ZNF500: variants seen among roughly 807,000 people sequenced by gnomAD.
The protein encoded by ZNF500 is zinc finger protein 500, also known as zinc finger protein with KRAB and SCAN domains 18.
ZNF500 carries 31 observed loss-of-function variants against 30.1 expected under a neutral mutation model. The observed-to-expected ratio is 1.03, with a 90% CI of 0.77 to 1.39. ZNF500 has a LOEUF of 1.39. Ranked by LOEUF, ZNF500 falls within the 40% of genes most tolerant of loss-of-function variation. The probability of loss-of-function intolerance (pLI) is 0.00; values close to 1 mark genes in which losing one functional copy is unlikely to be tolerated. For missense variants in ZNF500, 817 were observed against 657.8 expected (o/e 1.24, Z -2.65); for synonymous variants, 392 against 282.0 (o/e 1.39, Z -3.91).
intron 1 of ZNF500, 39 bp from the exon 2 acceptor site, chr16:4,766,115 G>T (rs2082263097): frequency 1.8e-6 from 2 of 1,088,968 alleles, no homozygotes; most frequent in Admixed American, 3.4e-5. Context: ...GGGCAGCCCT[G>T]GGGCTGGATA....
rs1258489715 is a variant in ZNF500, at chr16:4,749,094, C to G, written c.*3282G>C. The G allele has an allele frequency of 6.6e-6, 1 of 152,616 alleles. No individual in the cohort carries two copies. Among genetic ancestry groups the G allele is most frequent in the African/African-American group, 2.4e-5 (1 of 41,468 alleles). The allele number at this position is 152,616 out of a possible 1,614,324, so 9.5% of individuals were successfully genotyped here. ...AAGGCAAGACAGGCTTCCATAAAGT[C>G]CCAGGAGGTCCCTCCTGTAGGGCAC... On this transcript the variant is annotated 3_prime_UTR_variant, in exon 6 of 6. Coordinates refer to ENST00000219478, the MANE Select transcript of ZNF500 (RefSeq NM_021646.4).
At chr16:4,766,356 G>A (rs944677213) in intron 1 of ZNF500, among the ~76,000 whole-genome samples, 19 of 152,202 alleles carry the variant, frequency 1.2e-4, no homozygotes, top group Admixed American at 1.3e-4. Context: ...GGGGGCAGTA[G>A]CTGACGCCTG....
At chr16:4,766,661 T>A (rs755525692) in intron 1 of ZNF500, among the ~76,000 whole-genome samples, 12 of 152,106 alleles carry the variant, frequency 7.9e-5, no homozygotes, top group Non-Finnish European at 1.3e-4. Context: ...AGCTCGAGAA[T>A]CGTTATTTTC....
chr16:4,763,066 A>C (rs1437823530), intron 2 of ZNF500: 1 of 985,312 alleles, frequency 1.0e-6, no homozygotes, highest in Non-Finnish European at 1.2e-6. Context: ...GCGCTGGACT[A>C]ATTTCAGAAG....
At position 4,752,480 on chromosome 16, in the gene ZNF500, G is replaced by A. The variant is rs771104854; in HGVS notation, c.1339C>T (p.Arg447Cys). Residue 447 changes from arginine to cysteine, a missense_variant, in exon 6 of 6, where the codon CGC becomes TGC. By Grantham distance (180) the Arg-to-Cys change is radical. Transcript: ENST00000219478. ...TGCTTGTGCAGGTCGGTGCCCCGGC[G>A]GAAGCCCCGGCCACAGGCCGGGCAG... Reference protein sequence around the residue: ...YTCPACGRGFRRGTDLHKHQR... With the variant: ...YTCPACGRGFCRGTDLHKHQR... 2.8e-5 allele frequency: 43 copies of A among 1,546,376 alleles called. No individual in the cohort carries two copies. Among genetic ancestry groups the A allele is most frequent in the Middle Eastern group, 3.4e-4 (2 of 5,938 alleles).
chr16:4,752,334 C>A lies in ZNF500; in HGVS notation c.*42G>T. The A allele has an allele frequency of 4.8e-6, 7 of 1,445,708 alleles. No individual in the cohort carries two copies. Among genetic ancestry groups the A allele is most frequent in the Non-Finnish European group, 6.3e-6 (7 of 1,104,348 alleles). 89.6% of individuals were successfully genotyped at this position (1,445,708 alleles called of 1,614,324 possible). A position where few individuals can be genotyped will look rare whatever the true frequency, so the allele number is the denominator to read the frequency against. On this transcript the variant is annotated 3_prime_UTR_variant, in exon 6 of 6. Transcript: ENST00000219478. ...TCTAGCAGTTTCCTGAATTCTGTGC[C>A]CAGGGATGAGAGTCCTGGAAAGGGA... is the stretch of plus-strand genomic sequence containing the variant.
In ZNF500 at chr16:4,750,790, C is replaced by CTTTTTTT. The variant is rs751974701; in HGVS notation, c.*1579_*1585dup. 3 of 79,144 alleles carry CTTTTTTT rather than the reference C, an allele frequency of 3.8e-5. No homozygotes were observed. The highest frequency in any genetic ancestry group is 1.0e-4 in the African/African-American group (2 of 19,668). 4.9% of individuals were successfully genotyped at this position (79,144 alleles called of 1,614,324 possible). A position where few individuals can be genotyped will look rare whatever the true frequency, so the allele number is the denominator to read the frequency against. On this transcript the variant is annotated 3_prime_UTR_variant, in exon 6 of 6. Coordinates refer to ENST00000219478, the MANE Select transcript of ZNF500 (RefSeq NM_021646.4). Reference sequence around the variant, plus strand: ...TACAAGCGTGAGCCACTGCACCTGGCTTTTTTTTTTTTTTTTTTTTTTTGG... The same window carrying CTTTTTTT: ...TACAAGCGTGAGCCACTGCACCTGGCTTTTTTTTTTTTTTTTTTTTTTTTTTTTTTGG...
chr16:4,747,268 C>T, downstream of ZNF500: 1 of 1,479,386 alleles, frequency 6.8e-7, no homozygotes, highest in Non-Finnish European at 9.1e-7. Flanking sequence ...ATCTGCTTTT[C>T]TCCTGTTTCA....
chr16:4,760,171 GGA>G (rs528259792), intron 5 of ZNF500, among the ~76,000 whole-genome samples: 112 of 152,312 alleles, frequency 7.4e-4, no homozygotes, highest in Non-Finnish European at 1.2e-3. Context: ...AGTGTGATGG[GGA>G]GAGGCTGGAG....
intron 2 of ZNF500, 74 bp from the exon 3 acceptor site, chr16:4,762,830 C>T: frequency 1.3e-6 from 2 of 1,490,146 alleles, no homozygotes; most frequent in Non-Finnish European, 1.8e-6. Context: ...GCCCCACACC[C>T]CTCATCTCAG....
intron 5 of ZNF500, chr16:4,758,639 C>T (rs1421602826): frequency 2.0e-5 from 3 of 152,206 alleles, no homozygotes; most frequent in African/African-American, 7.2e-5. Flanking sequence ...TCACTTTCAT[C>T]AGTGACAACC....
chr16:4,758,413 G>C (rs549153526), intron 5 of ZNF500: 1 of 152,316 alleles, frequency 6.6e-6, no homozygotes, highest in Middle Eastern at 3.4e-3. Flanking sequence ...CTTGGGAGCC[G>C]GGAGGGCTGG....
chr16:4,760,071 G>T (rs1411500173), intron 5 of ZNF500, among the ~76,000 whole-genome samples: 1 of 152,120 alleles, frequency 6.6e-6, no homozygotes, highest in Non-Finnish European at 1.5e-5. Context: ...ACCAGAAAAG[G>T]CTTCAGCAGC....
At chr16:4,746,069 A>C, downstream of ZNF500, 1 of 268,976 alleles carries the variant, frequency 3.7e-6, no homozygotes, top group East Asian at 7.7e-5. Context: ...TGACTGAGGA[A>C]CTGAATGTTT....
chr16:4,747,467 G>A (rs749824660), downstream of ZNF500: 7 of 1,613,162 alleles, frequency 4.3e-6, no homozygotes, highest in Non-Finnish European at 5.9e-6. Flanking sequence ...TGAAGACACA[G>A]CTGGATCACG....
Position 4,760,568 on chromosome 16 carries a change from G to T in ZNF500, c.684C>A (p.Asp228Glu). 1 of 1,613,284 alleles carries T rather than the reference G, an allele frequency of 6.2e-7. No individual in the cohort carries two copies. Among genetic ancestry groups the T allele is most frequent in the African/African-American group, 1.3e-5 (1 of 75,008 alleles). The part of the protein sequence containing the change: ...AWSQVPVNLE[D>E]VAVYLSGEEP... Reference sequence around the variant, plus strand: ...CCTCCCCAGAAAGGTATACAGCCACGTCCTCCAAGTTCACGGGCACCTGCC... The same window carrying T: ...CCTCCCCAGAAAGGTATACAGCCACTTCCTCCAAGTTCACGGGCACCTGCC... The change falls in exon 5 of 6, where the codon GAC becomes GAA. Residue 228 changes from aspartate (D) to glutamate (E), a missense_variant. Coordinates refer to ENST00000219478, the MANE Select transcript of ZNF500 (RefSeq NM_021646.4).
chr16:4,765,527 C>A, intron 2 of ZNF500, 38 bp downstream of exon 2: 1 of 1,544,790 alleles, frequency 6.5e-7, no homozygotes. Context: ...CAGCAGGGCC[C>A]CATTTCCTCA....
intron 3 of ZNF500, 104 bp from the exon 4 acceptor site, chr16:4,762,439 G>C: frequency 1.4e-5 from 22 of 1,519,066 alleles, no homozygotes; most frequent in Non-Finnish European, 2.0e-5. Flanking sequence ...GCCCACCCAA[G>C]ATCCACTCCT....
downstream of ZNF500, chr16:4,747,433 C>G (rs764746497): frequency 6.2e-7 from 1 of 1,613,026 alleles, no homozygotes; most frequent in Admixed American, 1.7e-5. Flanking sequence ...GCAAGGGGCC[C>G]GCGGGTGGGA....
Sources: allele counts gnomAD v4.1 joint callset (sites outside exome capture counted in the v4.1 genomes callset), GRCh38; gene constraint gnomAD v4.1.1; transcripts MANE v1.5; gene names NCBI Gene and HGNC (gene_info 2026-07-23, HGNC 2026-07-21).